The following ZNF407 variants were observed in gnomAD, a reference collection of about 807,000 sequenced individuals.
ZNF407 encodes zinc finger protein 407.
In ZNF407, 17 loss-of-function variants were observed where a neutral mutation model predicts 131.2. That is an observed-to-expected ratio of 0.13 (90% CI 0.09 to 0.19). ZNF407 has a LOEUF of 0.19. ZNF407 is among the 10% of genes least tolerant of loss of function. ZNF407 has a pLI of 1.00. For synonymous variants in ZNF407, 1,156 were observed against 1,062.0 expected (o/e 1.09, Z -1.72); for missense variants, 2,681 against 2,830.6 (o/e 0.95, Z 1.20).
chr18:74,807,755 C>G (rs995197406), intron 4 of ZNF407, among the ~76,000 whole-genome samples: 4 of 152,200 alleles, frequency 2.6e-5, no homozygotes, highest in Non-Finnish European at 5.9e-5. Flanking sequence ...CTTGAACTCA[C>G]ATCCCTTATT....
chr18:74,809,042 A>G (rs1970155966), intron 4 of ZNF407, among the ~76,000 whole-genome samples: 1 of 152,154 alleles, frequency 6.6e-6, no homozygotes, highest in African/African-American at 2.4e-5. Flanking sequence ...TACCTCGCAT[A>G]GTAAAACTGC....
chr18:75,065,327 G>A lies in ZNF407; in HGVS notation c.*859G>A, dbSNP rs1483271044. 6.6e-6 allele frequency: 1 copy of A among 152,184 alleles called. No individual in the cohort carries two copies. The highest frequency in any genetic ancestry group is 2.4e-5 in the African/African-American group (1 of 41,446). The allele number at this position is 152,184 out of a possible 1,614,324, so 9.4% of individuals were successfully genotyped here. The stretch of plus-strand genomic sequence containing the variant: ...TTTATAACAAGGGTTTGTTCATATT[G>A]ATGCCATTTTTGCAGGATTTCTTCG... On this transcript the variant is annotated 3_prime_UTR_variant, in exon 9 of 9. Transcript: ENST00000299687.
At chr18:74,982,366 A>C (rs1196637207) in intron 8 of ZNF407, among the ~76,000 whole-genome samples, 1 of 152,210 alleles carries the variant, frequency 6.6e-6, no homozygotes, top group Non-Finnish European at 1.5e-5. Context: ...CCACTGTTGA[A>C]TCTTTGCTTT....
intron 8 of ZNF407, among the ~76,000 whole-genome samples, chr18:75,037,960 AT>A (rs560379599): frequency 2.0e-5 from 3 of 152,170 alleles, no homozygotes; most frequent in African/African-American, 4.8e-5. Flanking sequence ...ACACTAGATG[AT>A]TTTTTTGAGA....
Position 74,634,814 on chromosome 18 carries a change from C to G in ZNF407, c.3795C>G (p.Leu1265=), listed in dbSNP as rs764382754. The G allele has an allele frequency of 1.2e-6, 2 of 1,613,806 alleles. No homozygotes were observed. Among genetic ancestry groups the G allele is most frequent in the African/African-American group, 1.3e-5 (1 of 74,928 alleles). Residue 1265 remains leucine, a synonymous_variant, in exon 2 of 9, where the codon CTC becomes CTG. Coordinates refer to ENST00000299687, the MANE Select transcript of ZNF407 (RefSeq NM_017757.3). ...AGCGCTCGGCTGAAAGCCCTGTGCTCGTTGTGACAAGAATAACCAGAGAAC... is the reference window on the plus strand; with the variant it reads ...AGCGCTCGGCTGAAAGCCCTGTGCTGGTTGTGACAAGAATAACCAGAGAAC... The part of the protein sequence containing the change: ...DGERSAESPV[L]VVTRITREQG...
chr18:74,734,160 G>C (rs968954934), intron 3 of ZNF407, among the ~76,000 whole-genome samples: 1 of 152,098 alleles, frequency 6.6e-6, no homozygotes, highest in African/African-American at 2.4e-5. Context: ...ACTGGTTCCA[G>C]CAGTATGCAG....
intron 4 of ZNF407, among the ~76,000 whole-genome samples, chr18:74,839,215 A>G (rs1970599123): frequency 6.6e-6 from 1 of 152,230 alleles, no homozygotes; most frequent in African/African-American, 2.4e-5. Context: ...AGGGAAAACA[A>G]TTGCCATTGT....
intron 8 of ZNF407, among the ~76,000 whole-genome samples, chr18:74,921,954 G>A (rs577703697): frequency 2.6e-5 from 4 of 152,156 alleles, no homozygotes; most frequent in Non-Finnish European, 4.4e-5. Flanking sequence ...CGTGGATAGA[G>A]GCTCATTACT....
chr18:74,636,070 A>T (rs548332145), intron 2 of ZNF407, among the ~76,000 whole-genome samples: 1 of 152,344 alleles, frequency 6.6e-6, no homozygotes, highest in South Asian at 2.1e-4. Context: ...TTCAGAAGAC[A>T]TGTTAAGTGA....
At chr18:74,647,109 C>T (rs1017065083) in intron 3 of ZNF407, among the ~76,000 whole-genome samples, 80 of 151,898 alleles carry the variant, frequency 5.3e-4, no homozygotes, top group African/African-American at 1.8e-3. Flanking sequence ...GCTTCTTCTT[C>T]TTCTTTTTTT....
At chr18:75,022,071 CAA>C (rs1973117242) in intron 8 of ZNF407, among the ~76,000 whole-genome samples, 1 of 151,724 alleles carries the variant, frequency 6.6e-6, no homozygotes, top group African/African-American at 2.4e-5. Context: ...ATTTTATAAA[CAA>C]ATGTCTGGAA....
chr18:74,650,859 C>A (rs1041095953), intron 3 of ZNF407, among the ~76,000 whole-genome samples: 1 of 152,060 alleles, frequency 6.6e-6, no homozygotes, highest in Non-Finnish European at 1.5e-5. Context: ...TGATAGAGAG[C>A]ATAATAAATT....
intron 8 of ZNF407, among the ~76,000 whole-genome samples, chr18:74,940,013 A>T (rs1289043066): frequency 6.6e-6 from 1 of 152,190 alleles, no homozygotes; most frequent in Non-Finnish European, 1.5e-5. Flanking sequence ...ATTTCATGAG[A>T]ATTAGCTTAT....
rs970912944 is a variant in ZNF407, at chr18:75,064,661, G to A, written c.*193G>A. The A allele has an allele frequency of 3.8e-6, 2 of 523,428 alleles. No homozygotes were observed. The highest frequency in any genetic ancestry group is 3.6e-5 in the Admixed American group (1 of 27,866). 32.4% of individuals were successfully genotyped at this position (523,428 alleles called of 1,614,324 possible). A position where few individuals can be genotyped will look rare whatever the true frequency, so the allele number is the denominator to read the frequency against. On this transcript the variant is annotated 3_prime_UTR_variant, in exon 9 of 9. Transcript: ENST00000299687. ...CGCCCACAGAGGGTACCGTGGGCTGGGCCTCGGGGAGCAGGCTGCCAAGTG... is the reference window on the plus strand; with the variant it reads ...CGCCCACAGAGGGTACCGTGGGCTGAGCCTCGGGGAGCAGGCTGCCAAGTG...
At chr18:74,937,117 A>G (rs1972047764) in intron 8 of ZNF407, among the ~76,000 whole-genome samples, 1 of 152,234 alleles carries the variant, frequency 6.6e-6, no homozygotes, top group Admixed American at 6.5e-5. Context: ...ACCCCTGAGC[A>G]AATGACCTGT....
intron 3 of ZNF407, among the ~76,000 whole-genome samples, chr18:74,692,773 C>G (rs1043621561): frequency 6.6e-6 from 1 of 152,080 alleles, no homozygotes; most frequent in African/African-American, 2.4e-5. Context: ...AGCTGAGAGG[C>G]CTTCTTAGCT....
At position 74,658,675 on chromosome 18, in the gene ZNF407, T is replaced by C. The variant is rs189952073; in HGVS notation, c.4802+17553T>C. On this transcript the variant is annotated intron_variant, in intron 3 of 8. Transcript: ENST00000299687. The stretch of plus-strand genomic sequence containing the variant: ...TTTACAAACTGTTTCAACCTACTTT[T>C]GTTTTAATTAGAATAACTCTAAGAT... Among the ~76,000 whole-genome samples the C allele has an allele frequency of 6.4e-3, 972 of 152,328 alleles. 12 individuals are homozygous for C. The highest frequency in any genetic ancestry group is 0.022 in the African/African-American group (913 of 41,576).
chr18:74,718,931 G>T (rs1275582593), intron 3 of ZNF407, among the ~76,000 whole-genome samples: 1 of 151,812 alleles, frequency 6.6e-6, no homozygotes, highest in Non-Finnish European at 1.5e-5. Context: ...AATCTATTTT[G>T]TCTGTCATTA....
chr18:74,881,073 C>T lies in ZNF407; in HGVS notation c.5082C>T (p.Ala1694=), dbSNP rs765636471. The change falls in exon 6 of 9, where the codon GCC becomes GCT. Residue 1694 remains alanine, a synonymous_variant. Transcript: ENST00000299687. ...TTCTGTGTGACCTCTGCGGCTTTGCCGGCGGGACCCGCCACGCCCTCACCA... is the reference window on the plus strand; with the variant it reads ...TTCTGTGTGACCTCTGCGGCTTTGCTGGCGGGACCCGCCACGCCCTCACCA... ...KSFLCDLCGF[A]GGTRHALTKH... is the part of the protein sequence containing the mutation. 27 of 1,562,342 alleles carry T rather than the reference C, an allele frequency of 1.7e-5. No homozygotes were observed. The highest frequency in any genetic ancestry group is 8.2e-5 in the South Asian group (7 of 85,744).
Sources: allele counts gnomAD v4.1 joint callset (sites outside exome capture counted in the v4.1 genomes callset), GRCh38; gene constraint gnomAD v4.1.1; transcripts MANE v1.5; gene names NCBI Gene and HGNC (gene_info 2026-07-23, HGNC 2026-07-21).